Variants in COX4I1 observed in about 807,000 individuals in gnomAD.
COX4I1 encodes cytochrome c oxidase subunit 4 isoform 1, mitochondrial.
A neutral mutation model predicts 21.7 loss-of-function variants in COX4I1; 18 were observed. The ratio of observed to expected loss-of-function variants is 0.83; its 90% CI spans 0.57 to 1.23. The LOEUF is 1.23. COX4I1 is among the 50% of genes most tolerant of loss of function. COX4I1 has a pLI of 0.00. For missense variants in COX4I1, 238 were observed against 220.7 expected (o/e 1.08, Z -0.50); for synonymous variants, 100 against 81.5 (o/e 1.23, Z -1.23).
Position 85,805,721 on chromosome 16 carries a change from C to CT in COX4I1, c.242-11dup. ...CTTTGTGCCTGTAAATGGCTGTCCT[C>CT]TCTGCCCCCAGTGTATCGCATTAAG... On this transcript the variant is annotated splice_polypyrimidine_tract_variant and intron_variant, in intron 3 of 4. Transcript: ENST00000253452. The CT allele has an allele frequency of 6.2e-7, 1 of 1,613,960 alleles. No homozygotes were observed. Among genetic ancestry groups the CT allele is most frequent in the Non-Finnish European group, 8.5e-7 (1 of 1,179,810 alleles).
At chr16:85,804,047 G>A in intron 2 of COX4I1, 1 of 152,280 alleles carries the variant, frequency 6.6e-6, no homozygotes, top group South Asian at 2.1e-4. Flanking sequence ...CAGATCTCTA[G>A]AACCCTGCCT....
chr16:85,804,997 C>T lies in COX4I1; in HGVS notation c.134C>T (p.Pro45Leu), dbSNP rs770498990. 1.2e-6 allele frequency: 2 copies of T among 1,614,022 alleles called. No homozygotes were observed. Among genetic ancestry groups the T allele is most frequent in the Non-Finnish European group, 1.7e-6 (2 of 1,179,984 alleles). ...LPAYMDRRDH[P>L]LPEVAHVKHL... Reference sequence around the variant, plus strand: ...GCTTATATGGATCGGCGTGACCACCCCTTGCCGGAGGTGGCCCATGTCAAG... The same window carrying T: ...GCTTATATGGATCGGCGTGACCACCTCTTGCCGGAGGTGGCCCATGTCAAG... Residue 45 changes from proline (P) to leucine (L), a missense_variant, in exon 3 of 5, where the codon CCC becomes CTC. Physicochemically the swap from Pro to Leu is moderately conservative, Grantham distance 98. Transcript: ENST00000253452.
intron 1 of COX4I1, 28 bp from the exon 2 acceptor site, chr16:85,801,177 A>C: frequency 6.3e-7 from 1 of 1,577,302 alleles, no homozygotes; most frequent in Non-Finnish European, 8.7e-7. Context: ...CCTTATTCAT[A>C]GAGAAGGTGT....
chr16:85,802,395 G>C (rs1403386135), intron 2 of COX4I1, among the ~76,000 whole-genome samples: 1 of 152,210 alleles, frequency 6.6e-6, no homozygotes, highest in African/African-American at 2.4e-5. Flanking sequence ...TAGAGTGTAA[G>C]CCTTTTGAGG....
intron 2 of COX4I1, 119 bp downstream of exon 2, chr16:85,801,397 G>A: frequency 1.4e-6 from 1 of 739,864 alleles, no homozygotes. Context: ...GGGTCTTTAG[G>A]GGAGATATAA....
chr16:85,805,466 G>A (rs2152084097), intron 3 of COX4I1: 1 of 574,174 alleles, frequency 1.7e-6, no homozygotes, highest in Non-Finnish European at 3.1e-6. Flanking sequence ...CCCTAATACT[G>A]TAATTCAAGT....
In COX4I1 at chr16:85,800,014, G is replaced by A. The variant is rs547825423; in HGVS notation, c.-2+262G>A. 2.0e-5 allele frequency: 3 copies of A among 152,392 alleles called. No individual in the cohort carries two copies. The South Asian group carries it at 6.2e-4, about 32-fold the overall frequency. 9.4% of individuals were successfully genotyped at this position (152,392 alleles called of 1,614,324 possible). On this transcript the variant is annotated intron_variant, in intron 1 of 4. Transcript: ENST00000253452. ...GGACCGGCCTCGGGCACTGACCTTG[G>A]AGCGCCCGCTGGCCGAGGGCTCAGG...
intron 4 of COX4I1, 64 bp downstream of exon 4, chr16:85,805,928 G>T (rs932881133): frequency 7.5e-6 from 12 of 1,599,034 alleles, no homozygotes; most frequent in Admixed American, 1.7e-5. Context: ...GTGCCCATTG[G>T]TGGGCTGTCG....
intron 2 of COX4I1, among the ~76,000 whole-genome samples, chr16:85,801,508 C>A (rs530989379): frequency 6.6e-6 from 1 of 152,234 alleles, no homozygotes; most frequent in South Asian, 2.1e-4. Flanking sequence ...ACTTACCCTT[C>A]CCTTCCGTTC....
chr16:85,802,823 C>T (rs1038999538), intron 2 of COX4I1, among the ~76,000 whole-genome samples: 4 of 152,196 alleles, frequency 2.6e-5, no homozygotes, highest in African/African-American at 9.7e-5. Flanking sequence ...CTCTGAAGAA[C>T]CCCTGAAACC....
At chr16:85,801,003 A>T (rs761451892) in intron 1 of COX4I1, among the ~76,000 whole-genome samples, 40 of 152,208 alleles carry the variant, frequency 2.6e-4, no homozygotes, top group Non-Finnish European at 5.4e-4. Context: ...ATTTATAATG[A>T]AGCTCCTTAA....
chr16:85,801,157 T>G lies in COX4I1; in HGVS notation c.-1-48T>G, dbSNP rs1905715428. The G allele has an allele frequency of 2.0e-6, 3 of 1,491,282 alleles. No homozygotes were observed. In the African/African-American group the frequency reaches 4.2e-5, roughly 21 times the overall value. 92.4% of individuals were successfully genotyped at this position (1,491,282 alleles called of 1,614,324 possible). A position where few individuals can be genotyped will look rare whatever the true frequency, so the allele number is the denominator to read the frequency against. The stretch of plus-strand genomic sequence containing the variant: ...TGGGGCAAAAAGAAGACTAATTCCT[T>G]GCTGTTTGTCCTTATTCATAGAGAA... On this transcript the variant is annotated intron_variant, in intron 1 of 4. Transcript: ENST00000253452.
chr16:85,801,880 TACAC>T (rs1344702671), intron 2 of COX4I1, among the ~76,000 whole-genome samples: 4 of 152,042 alleles, frequency 2.6e-5, no homozygotes, highest in African/African-American at 9.7e-5. Flanking sequence ...GAATATGAAA[TACAC>T]ACACTTTCCA....
rs1905897643 is a variant in COX4I1, at chr16:85,803,077, C to T, written c.73+1799C>T. The stretch of plus-strand genomic sequence containing the variant: ...AGTCAGTTCTAGAACATTCTCATCA[C>T]CCATATTTACATTTATTTTTAATAA... On this transcript the variant is annotated intron_variant, in intron 2 of 4. Coordinates refer to ENST00000253452, the MANE Select transcript of COX4I1 (RefSeq NM_001861.6). 2.0e-5 allele frequency: 3 copies of T among 152,272 alleles called. No individual in the cohort carries two copies. The South Asian group carries it at 6.2e-4, about 32-fold the overall frequency. The allele number at this position is 152,272 out of a possible 1,614,324, so 9.4% of individuals were successfully genotyped here. A position where few individuals can be genotyped will look rare whatever the true frequency, so the allele number is the denominator to read the frequency against.
Position 85,804,971 on chromosome 16 carries a change from A to G in COX4I1, c.108A>G (p.Pro36=), listed in dbSNP as rs756915909. The change falls in exon 3 of 5, where the codon CCA becomes CCG. Residue 36 remains proline (P), a synonymous_variant. Coordinates refer to ENST00000253452, the MANE Select transcript of COX4I1 (RefSeq NM_001861.6). The part of the protein sequence containing the change: ...SVVKSEDFSL[P]AYMDRRDHPL... ...TGAAGAGCGAAGACTTTTCGCTCCCAGCTTATATGGATCGGCGTGACCACC... is the reference window on the plus strand; with the variant it reads ...TGAAGAGCGAAGACTTTTCGCTCCCGGCTTATATGGATCGGCGTGACCACC... 40 of 1,612,524 alleles carry G rather than the reference A, an allele frequency of 2.5e-5. No individual in the cohort carries two copies. Among genetic ancestry groups the G allele is most frequent in the Non-Finnish European group, 3.4e-5 (40 of 1,179,646 alleles).
At chr16:85,806,306 G>A in intron 4 of COX4I1, 1 of 610,582 alleles carries the variant, frequency 1.6e-6, no homozygotes, top group African/African-American at 1.8e-5. Context: ...GCATTGCCGG[G>A]TTGCTCGCTC....
In COX4I1 at chr16:85,806,992, T is replaced by A; in HGVS notation, c.*118T>A. On this transcript the variant is annotated 3_prime_UTR_variant, in exon 5 of 5. Transcript: ENST00000253452. ...TGTACCACTGCTAATAAATGACCAG[T>A]TTACCTGAAACCCTTTGTGATCAGT... 1 of 1,092,084 alleles carries A rather than the reference T, an allele frequency of 9.2e-7. No individual in the cohort carries two copies. The highest frequency in any genetic ancestry group is 1.3e-6 in the Non-Finnish European group (1 of 763,164). The allele number at this position is 1,092,084 out of a possible 1,614,324, so 67.6% of individuals were successfully genotyped here. A position where few individuals can be genotyped will look rare whatever the true frequency, so the allele number is the denominator to read the frequency against.
At chr16:85,801,348 C>A in intron 2 of COX4I1, 70 bp downstream of exon 2, 1 of 1,386,502 alleles carries the variant, frequency 7.2e-7, no homozygotes, top group South Asian at 1.2e-5. Flanking sequence ...TGTATAAAGC[C>A]CTGTGCTGGA....
At chr16:85,801,042 A>T (rs1041038028) in intron 1 of COX4I1, 163 bp from the exon 2 acceptor site, 6 of 553,412 alleles carry the variant, frequency 1.1e-5, no homozygotes, top group Non-Finnish European at 1.7e-5. Flanking sequence ...GAAAAACCTC[A>T]TCCTAGGTCA....
Sources: gnomAD v4.1 joint callset for allele counts (sites outside exome capture counted in the v4.1 genomes callset) on GRCh38, gnomAD v4.1.1 for gene constraint, MANE v1.5 for transcripts, NCBI Gene and HGNC (gene_info 2026-07-23, HGNC 2026-07-21) for gene names.